ZNF541: variants seen among roughly 807,000 people sequenced by gnomAD.
ZNF541 encodes zinc finger protein 541.
ZNF541 carries 23 observed loss-of-function variants against 123.5 expected under a neutral mutation model. The ratio of observed to expected loss-of-function variants is 0.19; its 90% CI spans 0.13 to 0.26. The LOEUF (loss-of-function observed/expected upper bound fraction) is 0.26. Among genes scored for constraint, ZNF541 ranks in the 10% least tolerant of loss-of-function variants. The pLI, the probability that ZNF541 is intolerant of heterozygous loss-of-function variation, is 1.00. For synonymous variants in ZNF541, 751 were observed against 754.5 expected, an observed-to-expected ratio of 1.00 and a Z score of 0.08; for missense variants, 1,612 against 1,789.9, an observed-to-expected ratio of 0.90 and a Z score of 1.79.
chr19:47,571,948 C>T lies in ZNF541; in HGVS notation c.-151G>A, dbSNP rs1483375803. 6.6e-6 allele frequency among the ~76,000 whole-genome samples: 1 copy of T among 152,106 alleles called. No homozygotes were observed. Among genetic ancestry groups the T allele is most frequent in the Non-Finnish European group, 1.5e-5 (1 of 68,022 alleles). On this transcript the variant is annotated 5_prime_UTR_variant, in exon 2 of 17. Transcript: ENST00000391901. ...GGAACAGGAGGACCCAGTTTAGGCCCCACAGGGAGGGGGTTCAGGTGACAA... is the reference window on the plus strand; with the variant it reads ...GGAACAGGAGGACCCAGTTTAGGCCTCACAGGGAGGGGGTTCAGGTGACAA...
chr19:47,531,643 T>A lies in ZNF541; in HGVS notation c.3404A>T (p.Gln1135Leu). The A allele has an allele frequency of 1.3e-6, 2 of 1,539,884 alleles. No homozygotes were observed. The highest frequency in any genetic ancestry group is 1.8e-6 in the Non-Finnish European group (2 of 1,138,340). ...HCLHEAQGNV[Q>L]VALETLLLRG... ...GAGGGTCCCCTTGCTGTTCCTCACC[T>A]GAACGTTGCCCTGAGCCTCGTGCAG... Residue 1135 changes from glutamine (Q) to leucine (L), a missense_variant and splice_region_variant, in exon 12 of 17, where the codon CAG becomes CTG. Gln to Leu is a moderately radical substitution (Grantham distance 113, BLOSUM62 -2). This residue lies in a region of ZNF541 where 285 missense variants were observed against 407.3 expected (regional missense o/e 0.70). Coordinates refer to ENST00000391901, the MANE Select transcript of ZNF541 (RefSeq NM_001277075.3).
chr19:47,565,900 A>T (rs574213075), intron 2 of ZNF541, among the ~76,000 whole-genome samples: 1 of 152,236 alleles, frequency 6.6e-6, no homozygotes, highest in African/African-American at 2.4e-5. Context: ...CTATCAGCCC[A>T]GCGCAGTGGC....
At chr19:47,557,668 G>T (rs533791192) in intron 2 of ZNF541, among the ~76,000 whole-genome samples, 2 of 152,100 alleles carry the variant, frequency 1.3e-5, no homozygotes, top group South Asian at 4.2e-4. Context: ...AGCAAGACTG[G>T]CTTCTACAAA....
At chr19:47,550,893 T>C (rs576403114) in intron 3 of ZNF541, among the ~76,000 whole-genome samples, 18 of 152,258 alleles carry the variant, frequency 1.2e-4, no homozygotes, top group African/African-American at 3.8e-4. Flanking sequence ...ACTGGAAACA[T>C]AGGGTTTGGC....
intron 6 of ZNF541, 94 bp downstream of exon 6, chr19:47,540,799 A>C: frequency 3.1e-6 from 4 of 1,276,190 alleles, no homozygotes; most frequent in Non-Finnish European, 4.4e-6. Flanking sequence ...TTAGGACTGA[A>C]AGCATCCTCC....
chr19:47,535,946 A>G (rs953206453), intron 9 of ZNF541, among the ~76,000 whole-genome samples: 4 of 152,114 alleles, frequency 2.6e-5, no homozygotes, highest in African/African-American at 7.2e-5. Flanking sequence ...CTGAACAGAG[A>G]TTTACCCACA....
intron 2 of ZNF541, among the ~76,000 whole-genome samples, chr19:47,571,327 T>C (rs1295544452): frequency 6.6e-6 from 1 of 152,194 alleles, no homozygotes; most frequent in Non-Finnish European, 1.5e-5. Context: ...TTGGCCAGGC[T>C]GGTCTCAAAC....
At chr19:47,549,713 A>C (rs1369491371) in intron 3 of ZNF541, among the ~76,000 whole-genome samples, 1 of 152,148 alleles carries the variant, frequency 6.6e-6, no homozygotes, top group African/African-American at 2.4e-5. Flanking sequence ...TGCAGACTGA[A>C]GCCCTTCCAG....
intron 4 of ZNF541, among the ~76,000 whole-genome samples, chr19:47,547,546 G>A (rs570463793): frequency 6.6e-6 from 1 of 152,170 alleles, no homozygotes; most frequent in African/African-American, 2.4e-5. Flanking sequence ...CAACAGAGAG[G>A]GAATCAGGAG....
chr19:47,550,658 T>G (rs1423290130), intron 3 of ZNF541, among the ~76,000 whole-genome samples: 1 of 152,156 alleles, frequency 6.6e-6, no homozygotes, highest in East Asian at 1.9e-4. Context: ...GAAGGGCCAG[T>G]GTATACAGGA....
chr19:47,532,748 G>A lies in ZNF541; in HGVS notation c.3158+161C>T, dbSNP rs149642669. Among the ~76,000 whole-genome samples the A allele has an allele frequency of 1.5e-3, 229 of 152,130 alleles. 2 individuals are homozygous for A. Among genetic ancestry groups the A allele is most frequent in the African/African-American group, 4.9e-3 (204 of 41,490 alleles). On this transcript the variant is annotated intron_variant, in intron 10 of 16. Coordinates refer to ENST00000391901, the MANE Select transcript of ZNF541 (RefSeq NM_001277075.3). ...TATTTGTAGAAGGAATAATATTGGGGGATCTTCCTACATATATTTGGAAAA... is the reference window on the plus strand; with the variant it reads ...TATTTGTAGAAGGAATAATATTGGGAGATCTTCCTACATATATTTGGAAAA...
chr19:47,567,985 T>C (rs1971332647), intron 2 of ZNF541, among the ~76,000 whole-genome samples: 1 of 152,216 alleles, frequency 6.6e-6, no homozygotes, highest in Non-Finnish European at 1.5e-5. Context: ...AAGTTAATTA[T>C]CTTTAAAGTT....
intron 9 of ZNF541, among the ~76,000 whole-genome samples, chr19:47,537,205 T>C (rs1469911646): frequency 6.6e-6 from 1 of 152,162 alleles, no homozygotes; most frequent in Non-Finnish European, 1.5e-5. Flanking sequence ...TAAAAATCAC[T>C]GCATACTCTA....
intron 14 of ZNF541, among the ~76,000 whole-genome samples, chr19:47,526,963 T>C (rs1341708703): frequency 6.6e-6 from 1 of 152,160 alleles, no homozygotes; most frequent in African/African-American, 2.4e-5. Flanking sequence ...CTTTAAACCG[T>C]GGTACATCCA....
At chr19:47,540,864 C>A in intron 6 of ZNF541, 29 bp downstream of exon 6, 1 of 1,549,802 alleles carries the variant, frequency 6.5e-7, no homozygotes, top group Non-Finnish European at 8.7e-7. Context: ...TGCCAGGGTG[C>A]ATGCAGGATC....
Position 47,548,455 on chromosome 19 carries a change from A to AG in ZNF541, c.548+789_548+790insC, listed in dbSNP as rs888751748. On this transcript the variant is annotated intron_variant, in intron 4 of 16. Coordinates refer to ENST00000391901, the MANE Select transcript of ZNF541 (RefSeq NM_001277075.3). ...AAGACTCCATCTCAAAAAAAAAAAAAAAAAAAGAAAAAAAAAGAAAAACAA... is the reference window on the plus strand; with the variant it reads ...AAGACTCCATCTCAAAAAAAAAAAAAGAAAAAAGAAAAAAAAAGAAAAACAA... Among the ~76,000 whole-genome samples, 8 of 150,060 alleles carry AG rather than the reference A, an allele frequency of 5.3e-5. 1 individual carries two copies. The highest frequency in any genetic ancestry group is 2.0e-4 in the African/African-American group (8 of 40,066).
chr19:47,565,914 C>T (rs1971243342), intron 2 of ZNF541, among the ~76,000 whole-genome samples: 3 of 152,262 alleles, frequency 2.0e-5, no homozygotes, highest in South Asian at 2.1e-4. Flanking sequence ...CAGTGGCTCA[C>T]GTCTGTAATC....
At chr19:47,529,171 T>A in intron 13 of ZNF541, 133 bp from the exon 14 acceptor site, 2 of 684,724 alleles carry the variant, frequency 2.9e-6, no homozygotes, top group South Asian at 1.9e-5. Flanking sequence ...CATAAAAAAC[T>A]CAAAAAGTCT....
intron 2 of ZNF541, among the ~76,000 whole-genome samples, chr19:47,567,976 A>G (rs550443141): frequency 6.6e-6 from 1 of 152,312 alleles, no homozygotes; most frequent in Admixed American, 6.5e-5. Flanking sequence ...TTATCTAGGA[A>G]GTTAATTATC....
Sources: allele counts gnomAD v4.1 joint callset (sites outside exome capture counted in the v4.1 genomes callset), GRCh38; gene constraint gnomAD v4.1.1; regional missense constraint gnomAD v4.1.1; transcripts MANE v1.5; gene names NCBI Gene and HGNC (gene_info 2026-07-23, HGNC 2026-07-21).